The following DSPP variants were observed in gnomAD, a reference collection of about 807,000 sequenced individuals.
DSPP encodes dentin sialophosphoprotein.
Under a neutral mutation model 29.1 loss-of-function variants are expected in DSPP, and 28 were observed. That is an observed-to-expected ratio of 0.96 (90% confidence interval 0.71 to 1.32). The LOEUF (loss-of-function observed/expected upper bound fraction) is 1.32. Ranked by LOEUF, DSPP falls within the 40% of genes most tolerant of loss-of-function variation. The pLI, the probability that DSPP is intolerant of heterozygous loss-of-function variation, is 0.00. For missense variants in DSPP, 1,281 were observed against 1,629.9 expected (o/e 0.79, Z 3.69); for synonymous variants, 481 against 503.4 (o/e 0.96, Z 0.60).
rs149201255 is a variant in DSPP at position 87,615,299 on chromosome 4, C to CAGTGATAGT, written c.2645_2646insTAGTGATAG (p.Ser883_Ser885dup). 3.4e-6 allele frequency: 4 copies of CAGTGATAGT among 1,170,320 alleles called. No homozygotes were observed. The Admixed American group carries it at 1.1e-4, about 33-fold the overall frequency. 72.5% of individuals were successfully genotyped at this position (1,170,320 alleles called of 1,614,324 possible). On this transcript the variant is annotated inframe_insertion, in exon 5 of 5. Coordinates refer to ENST00000651931, the MANE Select transcript of DSPP (RefSeq NM_014208.3). ...GTGACAGCAGCAACAGCAGTGACAG[C>CAGTGATAGT]AGTGATAGCAGTGACAGCAACGAAA...
chr4:87,614,651 T>TGACAGCAGC lies in DSPP; in HGVS notation c.1989_1990insGACAGCAGC (p.Ser663_Asn664insAspSerSer). 6.5e-7 allele frequency: 1 copy of TGACAGCAGC among 1,542,202 alleles called. No individual in the cohort carries two copies. The highest frequency in any genetic ancestry group is 8.8e-7 in the Non-Finnish European group (1 of 1,140,144). On this transcript the variant is annotated inframe_insertion, in exon 5 of 5. Transcript: ENST00000651931. ...ATAGCAGCGACAGCAGCAATAGCAG[T>TGACAGCAGC]AACAGCAGTGATAGTAGTGACAGCA...
rs1727721260 is a variant in DSPP at position 87,610,925 on chromosome 4, A to AT, written c.22dup (p.Cys8LeufsTer40). On this transcript the variant is annotated frameshift_variant, in exon 2 of 5. Transcript: ENST00000651931. LOFTEE classifies it high-confidence loss of function. ...CTAAAGAAAATGAAGATAATTACAT[A>AT]TTTTTGCATTTGGGCAGTAGCATGG... is the stretch of plus-strand genomic sequence containing the variant. The AT allele has an allele frequency of 6.2e-7, 1 of 1,613,424 alleles. No homozygotes were observed. Among genetic ancestry groups the AT allele is most frequent in the Admixed American group, 1.7e-5 (1 of 59,976 alleles).
In DSPP at chr4:87,614,321, T is replaced by A; in HGVS notation, c.1659T>A (p.Asp553Glu). ...GTAAATCAGATAGCAGTGACAGTGATAGTAGTGATAGCAGCAATAGCAGTG... is the reference window on the plus strand; with the variant it reads ...GTAAATCAGATAGCAGTGACAGTGAAAGTAGTGATAGCAGCAATAGCAGTG... ...GKGKSDSSDS[D>E]SSDSSNSSDS... is the part of the protein sequence containing the mutation. The change falls in exon 5 of 5, where the codon GAT (aspartate) becomes GAA (glutamate). Residue 553 changes from aspartate to glutamate, a missense_variant. Transcript: ENST00000651931. The A allele has an allele frequency of 6.2e-7, 1 of 1,612,028 alleles. No homozygotes were observed.
Position 87,613,342 on chromosome 4 carries a change from G to T in DSPP, c.1122+34G>T, listed in dbSNP as rs752345997. 5.0e-6 allele frequency: 8 copies of T among 1,608,966 alleles called. No individual in the cohort carries two copies. The African/African-American group carries it at 1.1e-4, about 21-fold the overall frequency. On this transcript the variant is annotated intron_variant, in intron 4 of 4. Coordinates refer to ENST00000651931, the MANE Select transcript of DSPP (RefSeq NM_014208.3). ...GTAAAGCTGATTTCTTTCAATGGCA[G>T]TTTAAATTCTTCCCCTCCATCTATT...
In DSPP at chr4:87,616,595, T is replaced by G. The variant is rs896852637; in HGVS notation, c.*27T>G. 3.7e-5 allele frequency: 58 copies of G among 1,551,604 alleles called. No homozygotes were observed. Among genetic ancestry groups the G allele is most frequent in the Non-Finnish European group, 5.0e-5 (57 of 1,147,000 alleles). ...ACAAAAGAAAAACCCGTAAGATTCCTTTTGTGAAAAGTTTGGTAATGGGAT... is the reference window on the plus strand; with the variant it reads ...ACAAAAGAAAAACCCGTAAGATTCCGTTTGTGAAAAGTTTGGTAATGGGAT... On this transcript the variant is annotated 3_prime_UTR_variant, in exon 5 of 5. Coordinates refer to ENST00000651931, the MANE Select transcript of DSPP (RefSeq NM_014208.3).
Position 87,610,930 on chromosome 4 carries a change from TG to T in DSPP, c.23del (p.Cys8SerfsTer5). MKIITYFCIWAVAWAIPV... is the reference protein window; with the variant it reads MKIITYFXIWAVAWAIPV... ...GAAAATGAAGATAATTACATATTTT[TG>T]CATTTGGGCAGTAGCATGGGCCATT... On this transcript the variant is annotated frameshift_variant, in exon 2 of 5. Coordinates refer to ENST00000651931, the MANE Select transcript of DSPP (RefSeq NM_014208.3). LOFTEE classifies it high-confidence loss of function. 1 of 1,613,726 alleles carries T rather than the reference TG, an allele frequency of 6.2e-7. No individual in the cohort carries two copies. Among genetic ancestry groups the T allele is most frequent in the South Asian group, 1.1e-5 (1 of 91,062 alleles).
rs901339452 is a variant in DSPP at position 87,616,408 on chromosome 4, G to A, written c.3746G>A (p.Ser1249Asn). Residue 1249 changes from serine (S) to asparagine (N), a missense_variant, in exon 5 of 5, where the codon AGC (serine) becomes AAC (asparagine). This residue lies in a region of DSPP where 134 missense variants were observed against 185.0 expected (regional missense o/e 0.72). Transcript: ENST00000651931. ...DSSDSSDSSNSSDSSDSSDSS... is the reference protein window; with the variant it reads ...DSSDSSDSSNNSDSSDSSDSS... ...AGCGATAGCAGTGACAGCAGCAACA[G>A]CAGTGACAGCAGCGACAGCAGTGAT... 3.0e-5 allele frequency: 46 copies of A among 1,549,156 alleles called. No homozygotes were observed. The African/African-American group carries it at 6.1e-4, about 20-fold the overall frequency.
Position 87,612,848 on chromosome 4 carries a change from G to T in DSPP, c.662G>T (p.Arg221Ile), listed in dbSNP as rs1331869044. ...ATAACACCTCAGATCAACAGCAAGA[G>T]AAATGGGACTAAGGAAGCTGAGGTA... ...SEITPQINSKRNGTKEAEVTP... is the reference protein window; with the variant it reads ...SEITPQINSKINGTKEAEVTP... Residue 221 changes from arginine to isoleucine, a missense_variant, in exon 4 of 5, where the codon AGA becomes ATA. Transcript: ENST00000651931. 2.5e-6 allele frequency: 4 copies of T among 1,614,170 alleles called. No homozygotes were observed.
At position 87,613,822 on chromosome 4, in the gene DSPP, A is replaced by C. The variant is rs1362541843; in HGVS notation, c.1160A>C (p.Asn387Thr). 1 of 1,614,216 alleles carries C rather than the reference A, an allele frequency of 6.2e-7. No homozygotes were observed. The highest frequency in any genetic ancestry group is 8.5e-7 in the Non-Finnish European group (1 of 1,180,038). The stretch of plus-strand genomic sequence containing the variant: ...AAGGGTCCCAGCAGTGGCAACAGAA[A>C]TATTACCAAAGAAGTTGGGAAAGGC... ...EIKGPSSGNR[N>T]ITKEVGKGNE... Residue 387 changes from asparagine (N) to threonine (T), a missense_variant, in exon 5 of 5, where the codon AAT (asparagine) becomes ACT (threonine). Around this residue, in one of 4 missense-constraint regions of DSPP, gnomAD observed 631 missense variants for 643.2 expected, o/e 0.98. Coordinates refer to ENST00000651931, the MANE Select transcript of DSPP (RefSeq NM_014208.3).
chr4:87,616,749 C>G lies in DSPP; in HGVS notation c.*181C>G. 1.0e-6 allele frequency: 1 copy of G among 954,226 alleles called. No homozygotes were observed. Among genetic ancestry groups the G allele is most frequent in the Non-Finnish European group, 1.6e-6 (1 of 642,198 alleles). 59.1% of individuals were successfully genotyped at this position (954,226 alleles called of 1,614,324 possible). ...AACCAAGACCTAACTCCTGCAGAGA[C>G]AGACTCTGAATGCATGACCTTTGGT... On this transcript the variant is annotated 3_prime_UTR_variant, in exon 5 of 5. Coordinates refer to ENST00000651931, the MANE Select transcript of DSPP (RefSeq NM_014208.3).
Position 87,614,947 on chromosome 4 carries a change from G to A in DSPP, c.2285G>A (p.Ser762Asn), listed in dbSNP as rs1727836336. The change falls in exon 5 of 5, where the codon AGC (serine) becomes AAC (asparagine). Residue 762 changes from serine (S) to asparagine (N), a missense_variant. This residue lies in a region of DSPP where 444 missense variants were observed against 611.4 expected (regional missense o/e 0.73). Coordinates refer to ENST00000651931, the MANE Select transcript of DSPP (RefSeq NM_014208.3). ...SSDSSDSSDS[S>N]NSSDSSDSSD... ...GACAGTAGCGATAGCAGTGACAGCA[G>A]CAACAGCAGTGACAGCAGTGATAGC... 1.3e-6 allele frequency: 2 copies of A among 1,538,496 alleles called. No homozygotes were observed. Among genetic ancestry groups the A allele is most frequent in the Non-Finnish European group, 1.7e-6 (2 of 1,146,720 alleles).
chr4:87,612,455 G>C lies in DSPP; in HGVS notation c.269G>C (p.Gly90Ala). ...GNGSKWAEVG[G>A]KSFSTYSTLA... Reference sequence around the variant, plus strand: ...GGCTCTAAGTGGGCAGAAGTAGGAGGGAAGAGTTTTTCTACATATTCCACA... The same window carrying C: ...GGCTCTAAGTGGGCAGAAGTAGGAGCGAAGAGTTTTTCTACATATTCCACA... Residue 90 changes from glycine (G) to alanine (A), a missense_variant, in exon 4 of 5, where the codon GGG (glycine) becomes GCG (alanine). Physicochemically the swap from Gly to Ala is moderately conservative, Grantham distance 60. Around this residue, in one of 4 missense-constraint regions of DSPP, gnomAD observed 631 missense variants for 643.2 expected, o/e 0.98. Coordinates refer to ENST00000651931, the MANE Select transcript of DSPP (RefSeq NM_014208.3). The C allele has an allele frequency of 6.2e-7, 1 of 1,613,938 alleles. No individual in the cohort carries two copies. Among genetic ancestry groups the C allele is most frequent in the Non-Finnish European group, 8.5e-7 (1 of 1,179,904 alleles).
chr4:87,614,841 GACAGCAGCA>G lies in DSPP; in HGVS notation c.2188_2196del (p.Asn730_Ser732del), dbSNP rs1339676026. 1.3e-6 allele frequency: 2 copies of G among 1,549,768 alleles called. No homozygotes were observed. The highest frequency in any genetic ancestry group is 2.8e-5 in the African/African-American group (2 of 72,494). On this transcript the variant is annotated inframe_deletion, in exon 5 of 5. Transcript: ENST00000651931. Reference sequence around the variant, plus strand: ...CAGTAATAGTAACAGCAGCGATAGTGACAGCAGCAACAGCAGCGATAGCAGTGACAGCAG... The same window carrying G: ...CAGTAATAGTAACAGCAGCGATAGTGACAGCAGCGATAGCAGTGACAGCAG...
intron 4 of DSPP, 141 bp from the exon 5 acceptor site, chr4:87,613,644 C>A: frequency 7.9e-7 from 1 of 1,270,838 alleles, no homozygotes; most frequent in Non-Finnish European, 1.1e-6. Flanking sequence ...GAATAAAGCA[C>A]ATTTTCACAA....
In DSPP at chr4:87,614,994, G is replaced by C. The variant is rs1178410428; in HGVS notation, c.2332G>C (p.Asp778His). 6.5e-7 allele frequency: 1 copy of C among 1,549,720 alleles called. No homozygotes were observed. The change falls in exon 5 of 5, where the codon GAC becomes CAC. Residue 778 changes from aspartate (D) to histidine (H), a missense_variant. Physicochemically the swap from Asp to His is moderately conservative, Grantham distance 81. Around this residue, in one of 4 missense-constraint regions of DSPP, gnomAD observed 444 missense variants for 611.4 expected, o/e 0.73. Transcript: ENST00000651931. ...SDSSDSSDSS[D>H]SSNSSDSNDS... ...TAGCAGTGACAGCAGTGATAGTAGT[G>C]ACAGCAGCAACAGCAGTGATAGCAA...
rs185065745 is a variant in DSPP at position 87,608,627 on chromosome 4, T to C, written c.-29+7T>C. On this transcript the variant is annotated splice_region_variant and intron_variant, in intron 1 of 4. Coordinates refer to ENST00000651931, the MANE Select transcript of DSPP (RefSeq NM_014208.3). ...CCTTTTGAAGCCTTTTAAGGTAAGA[T>C]GAAATATCCTTTTTACTCAGAACCA... The C allele has an allele frequency of 2.0e-4, 30 of 152,324 alleles. No individual in the cohort carries two copies. In the East Asian group the frequency reaches 4.8e-3, roughly 24 times the overall value. The allele number at this position is 152,324 out of a possible 1,614,324, so 9.4% of individuals were successfully genotyped here.
rs1212887666 is a variant in DSPP, at chr4:87,616,621, A to C, written c.*53A>C. On this transcript the variant is annotated 3_prime_UTR_variant, in exon 5 of 5. Coordinates refer to ENST00000651931, the MANE Select transcript of DSPP (RefSeq NM_014208.3). ...TTTGTGAAAAGTTTGGTAATGGGAT[A>C]GGAAAAAAAGATTTCCAAGAAAGTA... 1.9e-6 allele frequency: 3 copies of C among 1,551,188 alleles called. No individual in the cohort carries two copies. In the African/African-American group the frequency reaches 4.1e-5, roughly 21 times the overall value.
chr4:87,609,714 A>G (rs1727700027), intron 1 of DSPP, among the ~76,000 whole-genome samples: 1 of 152,192 alleles, frequency 6.6e-6, no homozygotes, highest in African/African-American at 2.4e-5. Context: ...ATTAAATTCA[A>G]TCAAAGCCAT....
chr4:87,615,002 C>A lies in DSPP; in HGVS notation c.2340C>A (p.Ser780Arg), dbSNP rs1472059336. ...SSDSSDSSDS[S>R]NSSDSNDSSN... ...ACAGCAGTGATAGTAGTGACAGCAG[C>A]AACAGCAGTGATAGCAACGACAGCA... Residue 780 changes from serine (S) to arginine (R), a missense_variant, in exon 5 of 5, where the codon AGC becomes AGA. Ser to Arg is a moderately radical substitution (Grantham distance 110). Coordinates refer to ENST00000651931, the MANE Select transcript of DSPP (RefSeq NM_014208.3). 6 of 1,548,692 alleles carry A rather than the reference C, an allele frequency of 3.9e-6. No homozygotes were observed. The African/African-American group carries it at 5.6e-5, about 14-fold the overall frequency.
Sources: gnomAD v4.1 joint callset for allele counts (sites outside exome capture counted in the v4.1 genomes callset) on GRCh38, gnomAD v4.1.1 for gene constraint, gnomAD v4.1.1 regional missense constraint, MANE v1.5 for transcripts, NCBI Gene and HGNC (gene_info 2026-07-23, HGNC 2026-07-21) for gene names.